WDTC1: variants seen among roughly 807,000 people sequenced by gnomAD.
WDTC1 encodes the protein WD and tetratricopeptide repeats 1, also known as WD and tetratricopeptide repeats protein 1.
A neutral mutation model predicts 76.0 loss-of-function variants in WDTC1; 12 were observed. That is an observed-to-expected ratio of 0.16 (90% CI 0.10 to 0.26). WDTC1 has a LOEUF of 0.26. WDTC1 is among the 10% of genes least tolerant of loss of function. The pLI is 1.00. For missense variants in WDTC1, 511 were observed against 908.8 expected, an observed-to-expected ratio of 0.56 and a Z score of 5.63; for synonymous variants, 326 against 350.8, an observed-to-expected ratio of 0.93 and a Z score of 0.79.
intron 6 of WDTC1, among the ~76,000 whole-genome samples, chr1:27,290,691 A>G (rs1307557115): frequency 6.6e-6 from 1 of 152,096 alleles, no homozygotes; most frequent in East Asian, 1.9e-4. Flanking sequence ...GCCCTTCTTT[A>G]ACTCCTTTCT....
chr1:27,269,700 C>T (rs1301782861), intron 3 of WDTC1, among the ~76,000 whole-genome samples: 4 of 146,546 alleles, frequency 2.7e-5, no homozygotes, highest in Admixed American at 6.9e-5. Flanking sequence ...CTGCAACCTC[C>T]GCCTCCCAGG....
intron 1 of WDTC1, among the ~76,000 whole-genome samples, chr1:27,245,012 TGA>T (rs2011777916): frequency 6.6e-6 from 1 of 151,710 alleles, no homozygotes; most frequent in Non-Finnish European, 1.5e-5. Flanking sequence ...CAGAATAGAC[TGA>T]GAGAGCAAAA....
chr1:27,292,552 C>A (rs1334065936), intron 7 of WDTC1, among the ~76,000 whole-genome samples, 155 bp downstream of exon 7: 1 of 152,024 alleles, frequency 6.6e-6, no homozygotes, highest in Admixed American at 6.6e-5. Flanking sequence ...CTCAGCCTCT[C>A]AAGTAGCTGA....
chr1:27,297,837 G>A (rs2013732698), intron 11 of WDTC1, 101 bp from the exon 12 acceptor site: 2 of 1,316,638 alleles, frequency 1.5e-6, no homozygotes, highest in Non-Finnish European at 2.0e-6. Flanking sequence ...GATCCCAGGG[G>A]CCAAGAAAAT....
At chr1:27,288,765 C>T (rs11247633) in intron 6 of WDTC1, among the ~76,000 whole-genome samples, 1 of 146,590 alleles carries the variant, frequency 6.8e-6, no homozygotes, top group African/African-American at 2.5e-5. Context: ...TACACAGACA[C>T]GGCAACCATC....
chr1:27,244,094 T>C (rs550764877), intron 1 of WDTC1, among the ~76,000 whole-genome samples: 6 of 151,750 alleles, frequency 4.0e-5, no homozygotes, highest in Non-Finnish European at 8.8e-5. Flanking sequence ...TGCAGTGAGC[T>C]GAGATCATGC....
chr1:27,240,229 C>T (rs2011588762), intron 1 of WDTC1, among the ~76,000 whole-genome samples: 1 of 152,064 alleles, frequency 6.6e-6, no homozygotes, highest in Non-Finnish European at 1.5e-5. Flanking sequence ...CTTCAGAGCT[C>T]CCCTGGAAGG....
At chr1:27,252,024 G>T (rs1290863712) in intron 1 of WDTC1, among the ~76,000 whole-genome samples, 1 of 151,810 alleles carries the variant, frequency 6.6e-6, no homozygotes, top group Non-Finnish European at 1.5e-5. Context: ...CTCCAGCCTG[G>T]GTGATAGAGC....
At chr1:27,256,884 T>C (rs1450682004) in intron 1 of WDTC1, among the ~76,000 whole-genome samples, 1 of 152,176 alleles carries the variant, frequency 6.6e-6, no homozygotes, top group Non-Finnish European at 1.5e-5. Flanking sequence ...TTTTTTGAGA[T>C]GGAGTCTCAC....
chr1:27,270,869 C>A (rs1311173973), intron 3 of WDTC1, among the ~76,000 whole-genome samples: 2 of 152,168 alleles, frequency 1.3e-5, no homozygotes, highest in South Asian at 2.1e-4. Flanking sequence ...CTCCATAACT[C>A]ATCAGTAGAC....
intron 1 of WDTC1, among the ~76,000 whole-genome samples, chr1:27,245,448 A>G (rs887833304): frequency 6.6e-6 from 1 of 151,770 alleles, no homozygotes; most frequent in Non-Finnish European, 1.5e-5. Context: ...AAGAGAAGCC[A>G]CGTAAATAAC....
Position 27,305,233 on chromosome 1 carries a change from C to CT in WDTC1, c.1836+41dup. ...CCAAGCAGAGAGGAGGGCAGGGACT[C>CT]TGTGGAAGGCTCCAGTGGAGCCTGC... On this transcript the variant is annotated intron_variant, in intron 15 of 15. Coordinates refer to ENST00000319394, the MANE Select transcript of WDTC1 (RefSeq NM_001276252.2). This position sits in a 1 kb window ranked among gnomAD's most constrained non-coding sequence, Gnocchi z 4.6. The CT allele has an allele frequency of 6.3e-7, 1 of 1,592,966 alleles. No homozygotes were observed. The highest frequency in any genetic ancestry group is 2.2e-5 in the East Asian group (1 of 44,470).
chr1:27,296,274 C>T, intron 9 of WDTC1, 52 bp from the exon 10 acceptor site: 1 of 1,608,632 alleles, frequency 6.2e-7, no homozygotes. Context: ...CTGGTTCAAC[C>T]ACATCCTTAC....
chr1:27,284,766 T>TA (rs58267043), intron 5 of WDTC1, among the ~76,000 whole-genome samples: 22,500 of 143,494 alleles, frequency 0.16, 1,738 homozygotes, highest in South Asian at 0.24. Flanking sequence ...CTCTTCTATT[T>TA]AAAAAAAAAA....
intron 1 of WDTC1, among the ~76,000 whole-genome samples, chr1:27,256,455 C>G (rs539340157): frequency 2.0e-5 from 3 of 152,298 alleles, no homozygotes; most frequent in Non-Finnish European, 4.4e-5. Flanking sequence ...CTCTGCTTCC[C>G]ACTAGACTCA....
intron 2 of WDTC1, among the ~76,000 whole-genome samples, chr1:27,261,934 T>A (rs6598882): frequency 0.22 from 33,140 of 147,612 alleles, 3,843 homozygotes; most frequent in Non-Finnish European, 0.27. Context: ...ACTAAAAAAA[T>A]TTTTTTTTTT....
At chr1:27,257,094 C>T (rs543116489) in intron 1 of WDTC1, among the ~76,000 whole-genome samples, 3 of 152,272 alleles carry the variant, frequency 2.0e-5, no homozygotes, top group South Asian at 4.1e-4. Flanking sequence ...GATCTCCTGA[C>T]CTCGTGATCC....
At chr1:27,288,398 A>G (rs1444671730) in intron 6 of WDTC1, among the ~76,000 whole-genome samples, 1 of 150,128 alleles carries the variant, frequency 6.7e-6, no homozygotes, top group African/African-American at 2.5e-5. Context: ...TTTCTCGCAG[A>G]GGGGGATTTG....
chr1:27,236,062 A>G (rs1417560868), intron 1 of WDTC1, among the ~76,000 whole-genome samples: 1 of 152,202 alleles, frequency 6.6e-6, no homozygotes, highest in African/African-American at 2.4e-5. Flanking sequence ...CGGTATGCCC[A>G]GTGGTCCCTA....
Sources: gnomAD v4.1 joint callset for allele counts (sites outside exome capture counted in the v4.1 genomes callset) on GRCh38, gnomAD v4.1.1 for gene constraint, Gnocchi (gnomAD v3.1) non-coding constraint, MANE v1.5 for transcripts, NCBI Gene and HGNC (gene_info 2026-07-23, HGNC 2026-07-21) for gene names.